Variants in RAB3C observed in about 807,000 individuals in gnomAD.
The protein encoded by RAB3C is RAB3C, member RAS oncogene family, also known as ras-related protein Rab-3C.
RAB3C carries 17 observed loss-of-function variants against 26.4 expected under a neutral mutation model. The ratio of observed to expected loss-of-function variants is 0.64; its 90% CI spans 0.44 to 0.97. The LOEUF is 0.97. Among genes scored for constraint, RAB3C ranks in the 50% least tolerant of loss-of-function variants. RAB3C has a pLI of 0.00. For synonymous variants in RAB3C, 91 were observed against 95.9 expected, an observed-to-expected ratio of 0.95 and a Z score of 0.30; for missense variants, 242 against 281.9, an observed-to-expected ratio of 0.86 and a Z score of 1.01.
chr5:58,603,141 C>T (rs537524645), intron 1 of RAB3C, among the ~76,000 whole-genome samples: 1 of 152,184 alleles, frequency 6.6e-6, no homozygotes, highest in African/African-American at 2.4e-5. Context: ...AAGATATGGC[C>T]CCAATCCCTT....
chr5:58,694,605 G>T (rs551547275), intron 2 of RAB3C, among the ~76,000 whole-genome samples: 1 of 152,284 alleles, frequency 6.6e-6, no homozygotes, highest in Admixed American at 6.5e-5. Context: ...GTTGTTTCCT[G>T]ACTTTTTAGT....
chr5:58,816,349 C>T (rs1472773251), intron 3 of RAB3C, among the ~76,000 whole-genome samples: 1 of 152,170 alleles, frequency 6.6e-6, no homozygotes, highest in Non-Finnish European at 1.5e-5. Context: ...TTCTGAGAAT[C>T]AGTATGGTAA....
intron 2 of RAB3C, among the ~76,000 whole-genome samples, chr5:58,638,503 A>T (rs1460152923): frequency 6.6e-6 from 1 of 152,178 alleles, no homozygotes; most frequent in Admixed American, 6.5e-5. Context: ...TATCCAAAAG[A>T]CAAGCCATAC....
intron 3 of RAB3C, among the ~76,000 whole-genome samples, chr5:58,786,312 A>G (rs985525821): frequency 1.3e-5 from 2 of 152,108 alleles, no homozygotes; most frequent in Non-Finnish European, 2.9e-5. Flanking sequence ...AAATTTGGCT[A>G]TAGTTCTTGA....
At position 58,667,352 on chromosome 5, in the gene RAB3C, G is replaced by C. The variant is rs114433612; in HGVS notation, c.252+49482G>C. Among the ~76,000 whole-genome samples the C allele has an allele frequency of 3.3e-3, 506 of 152,290 alleles. 1 individual carries two copies. The highest frequency in any genetic ancestry group is 0.011 in the African/African-American group (473 of 41,560). ...CCTGACTTAAGGAAATGAAAGGGCA[G>C]ACTTAGCTGCATTGCACCCTTTGCT... is the stretch of plus-strand genomic sequence containing the variant. On this transcript the variant is annotated intron_variant, in intron 2 of 4. Transcript: ENST00000282878.
At chr5:58,845,175 G>A (rs1367102459) in intron 4 of RAB3C, among the ~76,000 whole-genome samples, 1 of 152,160 alleles carries the variant, frequency 6.6e-6, no homozygotes, top group African/African-American at 2.4e-5. Flanking sequence ...TCAGTGAGCA[G>A]CACACTTCTG....
intron 2 of RAB3C, among the ~76,000 whole-genome samples, chr5:58,629,078 A>C (rs1435266239): frequency 7.1e-6 from 1 of 140,952 alleles, no homozygotes; most frequent in South Asian, 2.3e-4. Context: ...TTAATTATTT[A>C]TTTAATTTTT....
chr5:58,779,735 C>T lies in RAB3C; in HGVS notation c.372-45303C>T, dbSNP rs529537991. 5.3e-5 allele frequency among the ~76,000 whole-genome samples: 8 copies of T among 152,202 alleles called. No individual in the cohort carries two copies. In the East Asian group the frequency reaches 1.5e-3, roughly 29 times the overall value. ...GGATATTAGAGGAGCCAGAACTGAA[C>T]ACTGGTAGATGGTCTTTGTGTACTG... On this transcript the variant is annotated intron_variant, in intron 3 of 4. Coordinates refer to ENST00000282878, the MANE Select transcript of RAB3C (RefSeq NM_138453.4).
intron 2 of RAB3C, among the ~76,000 whole-genome samples, chr5:58,677,580 G>A (rs558211335): frequency 2.6e-5 from 4 of 152,240 alleles, no homozygotes; most frequent in Non-Finnish European, 5.9e-5. Context: ...CCAGAGCCTA[G>A]CAAAATGATT....
At chr5:58,699,430 A>G (rs548788601) in intron 2 of RAB3C, among the ~76,000 whole-genome samples, 246 of 152,304 alleles carry the variant, frequency 1.6e-3, no homozygotes, top group Non-Finnish European at 2.9e-3. Context: ...TCAGGGACCC[A>G]CTTGAGGAAG....
intron 1 of RAB3C, among the ~76,000 whole-genome samples, chr5:58,599,557 C>T (rs1355519262): frequency 6.6e-6 from 1 of 152,118 alleles, no homozygotes; most frequent in Non-Finnish European, 1.5e-5. Flanking sequence ...TCAGTGTGGG[C>T]TATCTCCACT....
chr5:58,613,141 G>C (rs1746749565), intron 1 of RAB3C, among the ~76,000 whole-genome samples: 1 of 151,980 alleles, frequency 6.6e-6, no homozygotes, highest in Non-Finnish European at 1.5e-5. Flanking sequence ...TAACCGATTT[G>C]GTTCCTGGTC....
At chr5:58,668,796 C>T (rs1262202591) in intron 2 of RAB3C, among the ~76,000 whole-genome samples, 1 of 152,076 alleles carries the variant, frequency 6.6e-6, no homozygotes, top group East Asian at 1.9e-4. Context: ...TCTAGTCACT[C>T]ATGGTCTCCC....
chr5:58,596,549 A>G (rs1022008619), intron 1 of RAB3C, among the ~76,000 whole-genome samples: 1 of 127,390 alleles, frequency 7.8e-6, no homozygotes, highest in African/African-American at 2.9e-5. Flanking sequence ...ATAATACTAT[A>G]TAATACATAT....
intron 3 of RAB3C, among the ~76,000 whole-genome samples, chr5:58,800,820 C>T (rs1742791135): frequency 6.6e-6 from 1 of 152,178 alleles, no homozygotes; most frequent in Non-Finnish European, 1.5e-5. Context: ...TGAATCGCTT[C>T]ATCTCCATGT....
intron 2 of RAB3C, among the ~76,000 whole-genome samples, chr5:58,659,451 G>A (rs1040968086): frequency 2.6e-5 from 4 of 151,842 alleles, no homozygotes; most frequent in Non-Finnish European, 4.4e-5. Flanking sequence ...TCTCCCTTTC[G>A]CCCCAGAGGA....
intron 3 of RAB3C, among the ~76,000 whole-genome samples, chr5:58,802,654 A>C (rs1325657261): frequency 6.6e-6 from 1 of 152,134 alleles, no homozygotes; most frequent in Non-Finnish European, 1.5e-5. Flanking sequence ...TGTACGGAGG[A>C]TTGCTCTAGG....
At chr5:58,588,714 G>T (rs111535336) in intron 1 of RAB3C, among the ~76,000 whole-genome samples, 45 of 152,078 alleles carry the variant, frequency 3.0e-4, no homozygotes, top group African/African-American at 1.1e-3. Flanking sequence ...TGAAATTTAG[G>T]TTAATTAATT....
At chr5:58,701,351 C>T (rs2111879456) in intron 2 of RAB3C, among the ~76,000 whole-genome samples, 1 of 152,192 alleles carries the variant, frequency 6.6e-6, no homozygotes, top group East Asian at 1.9e-4. Context: ...CAGGTGTTAT[C>T]AATTTTACCT....
Sources: gnomAD v4.1 joint callset for allele counts (sites outside exome capture counted in the v4.1 genomes callset) on GRCh38, gnomAD v4.1.1 for gene constraint, MANE v1.5 for transcripts, NCBI Gene and HGNC (gene_info 2026-07-23, HGNC 2026-07-21) for gene names.